Variants in DCBLD1 observed in about 807,000 individuals in gnomAD.
DCBLD1 encodes the protein discoidin, CUB and LCCL domain-containing protein 1.
DCBLD1 carries 57 observed loss-of-function variants against 71.5 expected under a neutral mutation model. The ratio of observed to expected loss-of-function variants is 0.80; its 90% CI spans 0.64 to 0.99. The LOEUF (loss-of-function observed/expected upper bound fraction) is 0.99, where lower values mean the gene tolerates loss of function less well. DCBLD1 is among the 50% of genes least tolerant of loss of function. The pLI, the probability that DCBLD1 is intolerant of heterozygous loss-of-function variation, is 0.00. For synonymous variants in DCBLD1, 380 were observed against 363.8 expected (o/e 1.04, Z -0.51); for missense variants, 891 against 923.5 (o/e 0.96, Z 0.46).
chr6:117,548,948 C>A lies in DCBLD1; in HGVS notation c.*509C>A, dbSNP rs1391050414. 1 of 988,062 alleles carries A rather than the reference C, an allele frequency of 1.0e-6. No homozygotes were observed. Among genetic ancestry groups the A allele is most frequent in the East Asian group, 1.1e-4 (1 of 8,828 alleles). 61.2% of individuals were successfully genotyped at this position (988,062 alleles called of 1,614,324 possible). On this transcript the variant is annotated 3_prime_UTR_variant, in exon 15 of 15. Transcript: ENST00000338728. ...AGTCTTGTTGTTATTGAGTCATTTC[C>A]TCTCCTTTGATAACTAGAACTGAAA...
chr6:117,501,074 T>G (rs1283367084), intron 1 of DCBLD1, among the ~76,000 whole-genome samples: 2 of 152,238 alleles, frequency 1.3e-5, no homozygotes, highest in African/African-American at 2.4e-5. Context: ...TTTAAATATT[T>G]GATCAGGAGA....
intron 14 of DCBLD1, among the ~76,000 whole-genome samples, chr6:117,564,918 AC>A (rs1289578038): frequency 6.6e-6 from 1 of 152,202 alleles, no homozygotes; most frequent in Non-Finnish European, 1.5e-5. Flanking sequence ...CAAAAGTGCA[AC>A]AGTTTATCAG....
chr6:117,544,716 T>G, intron 13 of DCBLD1, 139 bp downstream of exon 13: 2 of 770,358 alleles, frequency 2.6e-6, no homozygotes, highest in Non-Finnish European at 4.0e-6. Flanking sequence ...AAGTAGCATA[T>G]CTATAAGGAA....
intron 5 of DCBLD1, among the ~76,000 whole-genome samples, chr6:117,527,416 C>A (rs548036555): frequency 6.6e-6 from 1 of 152,046 alleles, no homozygotes; most frequent in Non-Finnish European, 1.5e-5. Flanking sequence ...CTTTGCAAAA[C>A]CAAAGCATAT....
At chr6:117,485,053 A>G (rs1211517089) in intron 1 of DCBLD1, 10 of 152,226 alleles carry the variant, frequency 6.6e-5, no homozygotes, top group Non-Finnish European at 1.3e-4. Flanking sequence ...ACATATTTAC[A>G]TAGATTGTTT....
chr6:117,502,036 G>T (rs1056530721), intron 1 of DCBLD1, among the ~76,000 whole-genome samples: 2 of 152,078 alleles, frequency 1.3e-5, no homozygotes, highest in Admixed American at 6.5e-5. Context: ...CCTGTTTTCT[G>T]TTCCCTTCCT....
At chr6:117,489,711 C>T (rs190661991) in intron 1 of DCBLD1, among the ~76,000 whole-genome samples, 3 of 152,244 alleles carry the variant, frequency 2.0e-5, no homozygotes, top group Admixed American at 2.0e-4. Context: ...CGGTGAAACC[C>T]CGTCTCTACT....
chr6:117,554,508 G>A (rs1420802478), downstream of DCBLD1, among the ~76,000 whole-genome samples: 1 of 152,166 alleles, frequency 6.6e-6, no homozygotes, highest in African/African-American at 2.4e-5. Flanking sequence ...TACATAATTA[G>A]ATGTCCCAAT....
chr6:117,514,330 G>T (rs1345652831), intron 2 of DCBLD1, among the ~76,000 whole-genome samples: 3 of 152,084 alleles, frequency 2.0e-5, no homozygotes, highest in Non-Finnish European at 4.4e-5. Context: ...CAGACCAGGC[G>T]CTGTGGCCCA....
At chr6:117,538,135 G>A (rs529555283) in intron 7 of DCBLD1, among the ~76,000 whole-genome samples, 1 of 152,208 alleles carries the variant, frequency 6.6e-6, no homozygotes, top group South Asian at 2.1e-4. Context: ...TTGGTATATT[G>A]GGCATGGTAT....
chr6:117,564,048 G>A (rs1779644000), intron 14 of DCBLD1, among the ~76,000 whole-genome samples: 2 of 151,162 alleles, frequency 1.3e-5, no homozygotes, highest in South Asian at 4.2e-4. Flanking sequence ...CATGATTACG[G>A]CTCACTGCTG....
At chr6:117,486,582 C>T (rs74453060) in intron 1 of DCBLD1, among the ~76,000 whole-genome samples, 4,625 of 152,322 alleles carry the variant, frequency 0.03, 80 homozygotes, top group Non-Finnish European at 0.037. Flanking sequence ...ATGACAAGCA[C>T]TGTTCTACCT....
At chr6:117,513,805 A>G (rs1778100295) in intron 2 of DCBLD1, among the ~76,000 whole-genome samples, 1 of 152,206 alleles carries the variant, frequency 6.6e-6, no homozygotes, top group South Asian at 2.1e-4. Context: ...TATAACCACA[A>G]TCAAAGTTAG....
chr6:117,563,201 GC>G, intron 14 of DCBLD1: 1 of 1,544,326 alleles, frequency 6.5e-7, no homozygotes. Context: ...CTTCCCCAGT[GC>G]CCCAAATTCA....
chr6:117,550,674 ATTC>A (rs1021307026), downstream of DCBLD1, among the ~76,000 whole-genome samples: 7 of 152,162 alleles, frequency 4.6e-5, no homozygotes, highest in Admixed American at 2.6e-4. Context: ...ACTGCTTTGG[ATTC>A]TTAACATGAA....
intron 6 of DCBLD1, among the ~76,000 whole-genome samples, chr6:117,536,310 T>C (rs1334611353): frequency 6.6e-6 from 1 of 152,230 alleles, no homozygotes; most frequent in Non-Finnish European, 1.5e-5. Context: ...TCTAATACTG[T>C]GCACATAAAG....
chr6:117,558,756 C>T (rs1306879811), intron 14 of DCBLD1, among the ~76,000 whole-genome samples: 3 of 152,132 alleles, frequency 2.0e-5, no homozygotes, highest in Admixed American at 1.3e-4. Flanking sequence ...CTGACTGAAC[C>T]TAGGAGTCAA....
intron 5 of DCBLD1, among the ~76,000 whole-genome samples, chr6:117,530,320 A>G (rs1393818816): frequency 2.0e-5 from 3 of 152,202 alleles, no homozygotes. Context: ...TGGTTTCAGG[A>G]TGAAAGTGTT....
At chr6:117,562,649 CTA>C (rs1180597347) in intron 14 of DCBLD1, 1 of 204,366 alleles carries the variant, frequency 4.9e-6, no homozygotes, top group Admixed American at 6.0e-5. Context: ...TTAAAGAAAA[CTA>C]TTTTGTACTG....
Sources: allele counts gnomAD v4.1 joint callset (sites outside exome capture counted in the v4.1 genomes callset), GRCh38; gene constraint gnomAD v4.1.1; transcripts MANE v1.5; gene names NCBI Gene and HGNC (gene_info 2026-07-23, HGNC 2026-07-21).